The following NDST1 variants were observed in gnomAD, a reference collection of about 807,000 sequenced individuals.
NDST1 encodes N-deacetylase and N-sulfotransferase 1, also known as bifunctional heparan sulfate N-deacetylase/N-sulfotransferase 1.
In NDST1, 35 loss-of-function variants were observed where a neutral mutation model predicts 92.8. That is an observed-to-expected ratio of 0.38 (90% CI 0.29 to 0.50). NDST1 has a LOEUF of 0.50. Among genes scored for constraint, NDST1 ranks in the 20% least tolerant of loss-of-function variants. The pLI is 0.94. For synonymous variants in NDST1, 493 were observed against 500.3 expected, an observed-to-expected ratio of 0.99 and a Z score of 0.19; for missense variants, 822 against 1,182.7, an observed-to-expected ratio of 0.69 and a Z score of 4.47.
At chr5:150,537,753 C>G (rs143070284) in intron 6 of NDST1, among the ~76,000 whole-genome samples, 1 of 152,200 alleles carries the variant, frequency 6.6e-6, no homozygotes, top group South Asian at 2.1e-4. Context: ...CCTCCCCTTT[C>G]GAAAATCACT....
At position 150,521,320 on chromosome 5, in the gene NDST1, G is replaced by C. The variant is rs768595205; in HGVS notation, c.66G>C (p.Leu22=). 1.2e-6 allele frequency: 2 copies of C among 1,613,284 alleles called. No homozygotes were observed. The highest frequency in any genetic ancestry group is 1.7e-6 in the Non-Finnish European group (2 of 1,179,926). ...TGTCCCCGCAGGCTGTCCTTTTCCT[G>C]CTGTTCATCTTCTGCCTGTTCAGCG... ...RHVSPQAVLF[L]LFIFCLFSVF... The change falls in exon 2 of 15, where the codon CTG becomes CTC. Residue 22 remains leucine, a synonymous_variant. Coordinates refer to ENST00000261797, the MANE Select transcript of NDST1 (RefSeq NM_001543.5). This position sits in a 1 kb window ranked among gnomAD's most constrained non-coding sequence, Gnocchi z 5.9.
At chr5:150,531,976 C>T (rs1396663225) in intron 3 of NDST1, among the ~76,000 whole-genome samples, 1 of 152,114 alleles carries the variant, frequency 6.6e-6, no homozygotes, top group East Asian at 1.9e-4. Context: ...AAGGGTATGG[C>T]CCTTTAAAGT....
chr5:150,505,260 C>T (rs933504490), upstream of NDST1, among the ~76,000 whole-genome samples: 9 of 152,172 alleles, frequency 5.9e-5, no homozygotes, highest in Non-Finnish European at 8.8e-5. Flanking sequence ...TACCTGCTCC[C>T]GGCTGTCCAC....
At chr5:150,516,980 TGTG>T (rs1404979281) in intron 1 of NDST1, among the ~76,000 whole-genome samples, 44 of 68,148 alleles carry the variant, frequency 6.5e-4, no homozygotes, top group Non-Finnish European at 1.4e-3. Flanking sequence ...TTTTCTAGTG[TGTG>T]TGTGTGTGTG....
intron 6 of NDST1, 102 bp downstream of exon 6, chr5:150,535,987 C>T (rs1416813448): frequency 7.2e-7 from 1 of 1,391,666 alleles, no homozygotes; most frequent in East Asian, 2.5e-5. Flanking sequence ...GGTTTGCTGG[C>T]TTAGGGGTTG....
chr5:150,540,179 A>T lies in NDST1; in HGVS notation c.1664A>T (p.Asn555Ile), dbSNP rs1755179542. The T allele has an allele frequency of 6.2e-7, 1 of 1,614,130 alleles. No homozygotes were observed. Among genetic ancestry groups the T allele is most frequent in the East Asian group, 2.2e-5 (1 of 44,886 alleles). ...HLVRFLHSWT[N>I]LRLQTLPPVQ... ...GTGCGCTTCCTGCACTCCTGGACGA[A>T]CCTCCGGCTGCAGACACTGCCCCCT... Residue 555 changes from asparagine to isoleucine, a missense_variant, in exon 8 of 15, where the codon AAC (asparagine) becomes ATC (isoleucine). Physicochemically the swap from Asn to Ile is moderately radical, Grantham distance 149. Transcript: ENST00000261797.
Position 150,535,032 on chromosome 5 carries a change from T to A in NDST1, c.1251+11T>A. On this transcript the variant is annotated intron_variant, in intron 5 of 14. Transcript: ENST00000261797. ...AAGAAGTTCGCTGTCGTGAGTAAGA[T>A]TCCTTGCAGGGCAGAGCGGGGCGGG... 3 of 1,613,012 alleles carry A rather than the reference T, an allele frequency of 1.9e-6. No individual in the cohort carries two copies. Among genetic ancestry groups the A allele is most frequent in the Non-Finnish European group, 2.5e-6 (3 of 1,179,420 alleles).
intron 14 of NDST1, among the ~76,000 whole-genome samples, chr5:150,552,143 GTA>G (rs1288545320): frequency 6.6e-6 from 1 of 152,162 alleles, no homozygotes; most frequent in Non-Finnish European, 1.5e-5. Context: ...TCTTGGAGGG[GTA>G]TGAGTCCCAA....
Position 150,553,136 on chromosome 5 carries a change from C to T in NDST1, c.2530-77C>T, listed in dbSNP as rs905497829. 49 of 1,527,706 alleles carry T rather than the reference C, an allele frequency of 3.2e-5. No homozygotes were observed. The highest frequency in any genetic ancestry group is 5.2e-5 in the Admixed American group (3 of 58,230). The allele number at this position is 1,527,706 out of a possible 1,614,324, so 94.6% of individuals were successfully genotyped here. A position where few individuals can be genotyped will look rare whatever the true frequency, so the allele number is the denominator to read the frequency against. Reference sequence around the variant, plus strand: ...GATTACAGGCATGAGCCACCGTGCCCGGCCGAGCATGGCGATTTTTAGAGG... The same window carrying T: ...GATTACAGGCATGAGCCACCGTGCCTGGCCGAGCATGGCGATTTTTAGAGG... On this transcript the variant is annotated intron_variant, in intron 14 of 14. Transcript: ENST00000261797. This position sits in a 1 kb window ranked among gnomAD's most constrained non-coding sequence, Gnocchi z 4.2.
chr5:150,526,051 C>A (rs2151275886), intron 2 of NDST1, among the ~76,000 whole-genome samples: 1 of 152,338 alleles, frequency 6.6e-6, no homozygotes, highest in Non-Finnish European at 1.5e-5. Context: ...CTGCTGTCTT[C>A]TTGCTATTCC....
Position 150,556,136 on chromosome 5 carries a change from C to T in NDST1, c.*2804C>T, listed in dbSNP as rs529431207. On this transcript the variant is annotated 3_prime_UTR_variant, in exon 15 of 15. Transcript: ENST00000261797. ...AGTCTTCAATGTCCACTAATTCACT[C>T]TAAGCATTTGGCCAAAAAAAGGAGA... The T allele has an allele frequency of 3.3e-5, 5 of 152,346 alleles. No homozygotes were observed. Among genetic ancestry groups the T allele is most frequent in the Non-Finnish European group, 7.3e-5 (5 of 68,094 alleles). The allele number at this position is 152,346 out of a possible 1,614,324, so 9.4% of individuals were successfully genotyped here.
chr5:150,531,898 C>A (rs1462783518), intron 3 of NDST1, among the ~76,000 whole-genome samples: 1 of 152,286 alleles, frequency 6.6e-6, no homozygotes, highest in South Asian at 2.1e-4. Context: ...CTCATTGACT[C>A]GAAGAGTACT....
At chr5:150,497,929 G>C (rs1753066396) in exon 1 of NDST1, 1 of 152,322 alleles carries the variant, frequency 6.6e-6, no homozygotes, top group Non-Finnish European at 1.5e-5. Context: ...AGTATCCTGT[G>C]ATCGTGACCT....
chr5:150,542,736 G>A (rs1755299887), intron 9 of NDST1, 112 bp from the exon 10 acceptor site: 5 of 1,394,166 alleles, frequency 3.6e-6, no homozygotes, highest in South Asian at 2.3e-5. Context: ...GAGAAAGGCA[G>A]AGACCTTCCC....
At chr5:150,548,469 C>T (rs1755586124) in intron 12 of NDST1, 81 bp downstream of exon 12, 10 of 1,502,976 alleles carry the variant, frequency 6.7e-6, no homozygotes, top group Non-Finnish European at 9.0e-6. Flanking sequence ...AACTCTTTCT[C>T]ACCAGCCGTG....
intron 1 of NDST1, among the ~76,000 whole-genome samples, chr5:150,512,053 C>T (rs1175407873): frequency 2.0e-5 from 3 of 152,066 alleles, no homozygotes; most frequent in Admixed American, 2.0e-4. Context: ...CCCAGGCCTG[C>T]AGCCACTGCT....
intron 3 of NDST1, among the ~76,000 whole-genome samples, chr5:150,531,943 G>A (rs1407874752): frequency 6.6e-6 from 1 of 152,228 alleles, no homozygotes; most frequent in African/African-American, 2.4e-5. Flanking sequence ...GCATTGCTGG[G>A]CACACAGTGT....
chr5:150,499,943 G>T (rs1392155404), intron 1 of NDST1, among the ~76,000 whole-genome samples: 1 of 152,192 alleles, frequency 6.6e-6, no homozygotes, highest in Non-Finnish European at 1.5e-5. Flanking sequence ...GTGAAGAGGG[G>T]TGTGGACCAG....
Position 150,555,988 on chromosome 5 carries a change from G to A in NDST1, c.*2656G>A. 1 of 152,502 alleles carries A rather than the reference G, an allele frequency of 6.6e-6. No homozygotes were observed. Among genetic ancestry groups the A allele is most frequent in the Non-Finnish European group, 1.5e-5 (1 of 68,214 alleles). The allele number at this position is 152,502 out of a possible 1,614,324, so 9.4% of individuals were successfully genotyped here. A position where few individuals can be genotyped will look rare whatever the true frequency, so the allele number is the denominator to read the frequency against. ...GACCCACTAGGTCCAGACACTGCCG[G>A]GACTTGCAGGTATGGGGGGTAGAAG... On this transcript the variant is annotated 3_prime_UTR_variant, in exon 15 of 15. Coordinates refer to ENST00000261797, the MANE Select transcript of NDST1 (RefSeq NM_001543.5).
Sources: gnomAD v4.1 joint callset for allele counts (sites outside exome capture counted in the v4.1 genomes callset) on GRCh38, gnomAD v4.1.1 for gene constraint, Gnocchi (gnomAD v3.1) non-coding constraint, MANE v1.5 for transcripts, NCBI Gene and HGNC (gene_info 2026-07-23, HGNC 2026-07-21) for gene names.